ZNF609: variants seen among roughly 807,000 people sequenced by gnomAD.
ZNF609 encodes the protein zinc finger protein 609.
ZNF609 carries 11 observed loss-of-function variants against 109.5 expected under a neutral mutation model. The ratio of observed to expected loss-of-function variants is 0.10; its 90% CI spans 0.06 to 0.17. ZNF609 has a LOEUF of 0.17. Among genes scored for constraint, ZNF609 ranks in the 10% least tolerant of loss-of-function variants. The pLI is 1.00. For synonymous variants in ZNF609, 646 were observed against 662.0 expected, an observed-to-expected ratio of 0.98 and a Z score of 0.37; for missense variants, 1,559 against 1,772.4, an observed-to-expected ratio of 0.88 and a Z score of 2.16.
chr15:64,519,067 G>T (rs1266586899), intron 2 of ZNF609, among the ~76,000 whole-genome samples: 10 of 140,114 alleles, frequency 7.1e-5, no homozygotes, highest in Non-Finnish European at 3.0e-5. Context: ...GAAAGTTATA[G>T]GATGCTGAGA....
chr15:64,506,790 G>A (rs972114999), intron 2 of ZNF609, among the ~76,000 whole-genome samples: 3 of 152,056 alleles, frequency 2.0e-5, no homozygotes, highest in East Asian at 1.9e-4. Context: ...TGCCTGGCAC[G>A]TAGGAAGCAT....
At chr15:64,506,606 G>C (rs1453522692) in intron 2 of ZNF609, among the ~76,000 whole-genome samples, 3 of 151,792 alleles carry the variant, frequency 2.0e-5, no homozygotes, top group Non-Finnish European at 4.4e-5. Context: ...TGTAGTCCCA[G>C]CTACTCAGGA....
At chr15:64,670,567 G>A in intron 4 of ZNF609, 134 bp downstream of exon 4, 1 of 753,932 alleles carries the variant, frequency 1.3e-6, no homozygotes, top group South Asian at 1.6e-5. Flanking sequence ...GGAAAGCACT[G>A]TATTTATCTG....
chr15:64,584,965 ACTCT>A (rs1895171702), intron 2 of ZNF609, among the ~76,000 whole-genome samples: 1 of 149,866 alleles, frequency 6.7e-6, no homozygotes, highest in Non-Finnish European at 1.5e-5. Flanking sequence ...AAGGAACTAG[ACTCT>A]CTAAGAAAAA....
At position 64,681,878 on chromosome 15, in the gene ZNF609, C is replaced by T. The variant is rs1396597779; in HGVS notation, c.*192C>T. On this transcript the variant is annotated 3_prime_UTR_variant, in exon 10 of 10. Transcript: ENST00000326648. ...ACCTCCGGACTACCTGACCCTACCT[C>T]TTCCTCAGGAGCTGGAGAGCTGGTA... 1 of 154,042 alleles carries T rather than the reference C, an allele frequency of 6.5e-6. No homozygotes were observed. The highest frequency in any genetic ancestry group is 1.4e-5 in the Non-Finnish European group (1 of 69,010). 9.5% of individuals were successfully genotyped at this position (154,042 alleles called of 1,614,324 possible).
chr15:64,577,617 GTGTATATATA>G (rs1311665944), intron 2 of ZNF609, among the ~76,000 whole-genome samples: 4 of 13,596 alleles, frequency 2.9e-4, no homozygotes, highest in African/African-American at 7.0e-4. Context: ...ACATATATAT[GTGTATATATA>G]CACATATAAA....
At chr15:64,582,998 G>A (rs1895135759) in intron 2 of ZNF609, among the ~76,000 whole-genome samples, 1 of 150,968 alleles carries the variant, frequency 6.6e-6, no homozygotes, top group African/African-American at 2.4e-5. Flanking sequence ...TGATTCACCT[G>A]CCTCGGCCTT....
In ZNF609 at chr15:64,607,404, A is replaced by G. The variant is rs544742471; in HGVS notation, c.748-15423A>G. 2.0e-5 allele frequency among the ~76,000 whole-genome samples: 3 copies of G among 152,208 alleles called. No homozygotes were observed. The East Asian group carries it at 5.8e-4, about 29-fold the overall frequency. On this transcript the variant is annotated intron_variant, in intron 2 of 9. Coordinates refer to ENST00000326648, the MANE Select transcript of ZNF609 (RefSeq NM_015042.2). ...CCAAAACATTTCACCAACAGATTGAATGGAGAATCCAGCTGTCTTCTATTA... is the reference window on the plus strand; with the variant it reads ...CCAAAACATTTCACCAACAGATTGAGTGGAGAATCCAGCTGTCTTCTATTA...
intron 3 of ZNF609, among the ~76,000 whole-genome samples, chr15:64,665,624 A>C (rs1351809904): frequency 6.6e-6 from 1 of 152,048 alleles, no homozygotes; most frequent in East Asian, 1.9e-4. Context: ...AAAGTAAACA[A>C]ATGGGCCGGG....
intron 2 of ZNF609, among the ~76,000 whole-genome samples, chr15:64,564,624 T>A (rs538025159): frequency 6.6e-6 from 1 of 152,078 alleles, no homozygotes; most frequent in East Asian, 1.9e-4. Context: ...TTTTTTTTTG[T>A]CATATTCACA....
At chr15:64,591,258 T>G (rs1895291367) in intron 2 of ZNF609, among the ~76,000 whole-genome samples, 1 of 152,108 alleles carries the variant, frequency 6.6e-6, no homozygotes, top group Non-Finnish European at 1.5e-5. Context: ...TGAAACCCCG[T>G]ATCTACTAAA....
chr15:64,604,207 C>T (rs890789540), intron 2 of ZNF609, among the ~76,000 whole-genome samples: 1 of 152,066 alleles, frequency 6.6e-6, no homozygotes, highest in Non-Finnish European at 1.5e-5. Context: ...ATGGTTACAC[C>T]ATAGTAAGTA....
intron 2 of ZNF609, among the ~76,000 whole-genome samples, chr15:64,574,524 C>T (rs894513551): frequency 6.6e-6 from 1 of 152,158 alleles, no homozygotes; most frequent in Admixed American, 6.5e-5. Context: ...TTGGTGGCTA[C>T]AGGCAAGTAT....
chr15:64,552,927 G>C (rs1033745523), intron 2 of ZNF609, among the ~76,000 whole-genome samples: 1 of 152,116 alleles, frequency 6.6e-6, no homozygotes, highest in South Asian at 2.1e-4. Context: ...GGATTACAGG[G>C]CATAAGGCAT....
intron 2 of ZNF609, among the ~76,000 whole-genome samples, chr15:64,620,611 T>C (rs938446834): frequency 2.0e-5 from 3 of 152,214 alleles, no homozygotes; most frequent in Non-Finnish European, 2.9e-5. Context: ...CTACTTCCAT[T>C]TCATTTCATG....
chr15:64,467,854 GAA>G (rs1893036697), intron 1 of ZNF609, among the ~76,000 whole-genome samples: 2 of 152,062 alleles, frequency 1.3e-5, no homozygotes. Context: ...AAAGAAAAAA[GAA>G]AATATGTGCC....
chr15:64,646,813 G>A (rs1192089146), intron 3 of ZNF609, among the ~76,000 whole-genome samples: 45 of 148,248 alleles, frequency 3.0e-4, no homozygotes, highest in African/African-American at 1.1e-3. Context: ...GGTGGCGCAT[G>A]CCTGTAGTAC....
At chr15:64,618,052 C>T (rs1196637706) in intron 2 of ZNF609, among the ~76,000 whole-genome samples, 1 of 152,160 alleles carries the variant, frequency 6.6e-6, no homozygotes, top group Admixed American at 6.6e-5. Context: ...TCCCTCTTGG[C>T]CCCAATTTCC....
intron 1 of ZNF609, among the ~76,000 whole-genome samples, chr15:64,486,829 G>A (rs1893341018): frequency 6.6e-6 from 1 of 152,060 alleles, no homozygotes; most frequent in South Asian, 2.1e-4. Flanking sequence ...TGGCCAAGTT[G>A]ACCTGAAGTA....
Sources: allele counts gnomAD v4.1 joint callset (sites outside exome capture counted in the v4.1 genomes callset), GRCh38; gene constraint gnomAD v4.1.1; transcripts MANE v1.5; gene names NCBI Gene and HGNC (gene_info 2026-07-23, HGNC 2026-07-21).